Variants in PRKN observed in about 807,000 individuals in gnomAD.
The protein encoded by PRKN is E3 ubiquitin-protein ligase parkin.
A neutral mutation model predicts 59.5 loss-of-function variants in PRKN; 56 were observed. That is an observed-to-expected ratio of 0.94 (90% CI 0.76 to 1.18). The LOEUF (loss-of-function observed/expected upper bound fraction) is 1.18. Among genes scored for constraint, PRKN ranks in the 50% most tolerant of loss-of-function variants. The probability of loss-of-function intolerance (pLI) is 0.00; values close to 1 mark genes in which losing one functional copy is unlikely to be tolerated. For missense variants in PRKN, 657 were observed against 596.4 expected, an observed-to-expected ratio of 1.10 and a Z score of -1.06; for synonymous variants, 250 against 222.1, an observed-to-expected ratio of 1.13 and a Z score of -1.12.
intron 9 of PRKN, among the ~76,000 whole-genome samples, chr6:161,520,527 C>T (rs1778782263): frequency 6.6e-6 from 1 of 151,718 alleles, no homozygotes; most frequent in African/African-American, 2.4e-5. Context: ...TGTGCTCAGC[C>T]AATAGTTAAT....
intron 2 of PRKN, among the ~76,000 whole-genome samples, chr6:162,395,837 T>C (rs374389268): frequency 1.3e-5 from 2 of 152,186 alleles, no homozygotes; most frequent in East Asian, 3.9e-4. Flanking sequence ...TGAGCATACA[T>C]ATAGGACTAT....
At chr6:162,430,867 G>A (rs1407729949) in intron 2 of PRKN, among the ~76,000 whole-genome samples, 1 of 152,136 alleles carries the variant, frequency 6.6e-6, no homozygotes, top group Non-Finnish European at 1.5e-5. Flanking sequence ...TTATCGTCAA[G>A]TATCTGAGAA....
intron 9 of PRKN, among the ~76,000 whole-genome samples, chr6:161,523,621 C>A (rs940778792): frequency 1.3e-5 from 2 of 152,172 alleles, no homozygotes; most frequent in African/African-American, 4.8e-5. Context: ...ATAAGGCTAT[C>A]ATTATTATGT....
Position 161,429,457 on chromosome 6 carries a change from C to T in PRKN, c.1084-42580G>A, listed in dbSNP as rs775880533. ...GGTTAAGAGGGACGGAGAAATAACA[C>T]GAATGTGGTGAGGCAGGGTGGTATC... On this transcript the variant is annotated intron_variant, in intron 9 of 11. Coordinates refer to ENST00000366898, the MANE Select transcript of PRKN (RefSeq NM_004562.3). This position sits in a 1 kb window ranked among gnomAD's most constrained non-coding sequence, Gnocchi z 4.2. 3.9e-5 allele frequency among the ~76,000 whole-genome samples: 6 copies of T among 152,092 alleles called. No individual in the cohort carries two copies. The highest frequency in any genetic ancestry group is 4.4e-5 in the Non-Finnish European group (3 of 68,026).
At chr6:161,404,205 TC>T (rs1373777049) in intron 9 of PRKN, among the ~76,000 whole-genome samples, 1 of 152,154 alleles carries the variant, frequency 6.6e-6, no homozygotes, top group Admixed American at 6.5e-5. Flanking sequence ...AGACTCAAGT[TC>T]CCAGCTCTCT....
intron 7 of PRKN, among the ~76,000 whole-genome samples, chr6:161,701,271 T>G (rs1411562808): frequency 6.6e-6 from 1 of 152,212 alleles, no homozygotes; most frequent in Non-Finnish European, 1.5e-5. Flanking sequence ...CCTTTCAATT[T>G]TGAAACACAG....
intron 6 of PRKN, among the ~76,000 whole-genome samples, chr6:161,903,383 G>A (rs1778010212): frequency 6.6e-6 from 1 of 152,178 alleles, no homozygotes; most frequent in Non-Finnish European, 1.5e-5. Flanking sequence ...TTGGATGAAA[G>A]CTAGTTCTGA....
chr6:162,624,852 G>C (rs1245456339), intron 1 of PRKN, among the ~76,000 whole-genome samples: 1 of 152,152 alleles, frequency 6.6e-6, no homozygotes, highest in Non-Finnish European at 1.5e-5. Context: ...AACACAGCAG[G>C]GATGTGGTAA....
intron 7 of PRKN, among the ~76,000 whole-genome samples, chr6:161,674,677 G>T (rs1562599331): frequency 6.6e-6 from 1 of 152,144 alleles, no homozygotes; most frequent in Non-Finnish European, 1.5e-5. Flanking sequence ...TGACATTTAT[G>T]ATCAGAACTG....
In PRKN at chr6:161,560,917, G is replaced by C. The variant is rs1780432692; in HGVS notation, c.933+8438C>G. 6.6e-6 allele frequency among the ~76,000 whole-genome samples: 1 copy of C among 152,132 alleles called. No homozygotes were observed. The highest frequency in any genetic ancestry group is 6.5e-5 in the Admixed American group (1 of 15,268). ...TGCCTGGAAAACACAGATTTCCGTG[G>C]TCTTCTTTATCTGATGGCAAAATTC... On this transcript the variant is annotated intron_variant, in intron 8 of 11. Coordinates refer to ENST00000366898, the MANE Select transcript of PRKN (RefSeq NM_004562.3). This position sits in a 1 kb window ranked among gnomAD's most constrained non-coding sequence, Gnocchi z 4.9.
At chr6:162,061,251 C>T (rs1212371318) in intron 4 of PRKN, among the ~76,000 whole-genome samples, 1 of 152,148 alleles carries the variant, frequency 6.6e-6, no homozygotes, top group Non-Finnish European at 1.5e-5. Context: ...TGAAACAACA[C>T]AAATACAAAC....
chr6:161,629,905 C>T (rs1183889477), intron 7 of PRKN, among the ~76,000 whole-genome samples: 1 of 152,196 alleles, frequency 6.6e-6, no homozygotes, highest in Non-Finnish European at 1.5e-5. Context: ...AGGCACTCTG[C>T]TTCCACTCTG....
chr6:162,142,366 G>C (rs1781825415), intron 4 of PRKN, among the ~76,000 whole-genome samples: 1 of 152,116 alleles, frequency 6.6e-6, no homozygotes, highest in Non-Finnish European at 1.5e-5. Flanking sequence ...CCAGGTACTT[G>C]ATGTATGGCT....
intron 7 of PRKN, among the ~76,000 whole-genome samples, chr6:161,627,055 C>T (rs1281521877): frequency 6.6e-6 from 1 of 152,180 alleles, no homozygotes; most frequent in Non-Finnish European, 1.5e-5. Flanking sequence ...CCTGGCCTTC[C>T]AAGGTTTGCA....
chr6:161,692,764 A>G (rs1209780338), intron 7 of PRKN, among the ~76,000 whole-genome samples: 3 of 152,022 alleles, frequency 2.0e-5, no homozygotes, highest in African/African-American at 4.8e-5. Context: ...AAACAAACAA[A>G]CAAACGAACA....
At chr6:161,631,289 C>A (rs1356470248) in intron 7 of PRKN, among the ~76,000 whole-genome samples, 1 of 152,200 alleles carries the variant, frequency 6.6e-6, no homozygotes, top group East Asian at 1.9e-4. Flanking sequence ...AAATTCTTTA[C>A]CAAGCATTTA....
chr6:161,908,627 G>C (rs1317939191), intron 6 of PRKN, among the ~76,000 whole-genome samples: 1 of 151,278 alleles, frequency 6.6e-6, no homozygotes, highest in South Asian at 2.1e-4. Flanking sequence ...ATCCAGATTG[G>C]TATGTAATTA....
intron 5 of PRKN, among the ~76,000 whole-genome samples, chr6:161,975,989 T>TCCG (rs1781016955): frequency 6.6e-6 from 1 of 152,122 alleles, no homozygotes; most frequent in Non-Finnish European, 1.5e-5. Context: ...CACTGCAACC[T>TCCG]CCGCCTCCCA....
chr6:162,301,693 T>C (rs1583340361), intron 2 of PRKN, among the ~76,000 whole-genome samples: 1 of 148,854 alleles, frequency 6.7e-6, no homozygotes, highest in Middle Eastern at 3.5e-3. Context: ...ACTTACAGCC[T>C]AGTTTAACAT....
Sources: gnomAD v4.1 joint callset for allele counts (sites outside exome capture counted in the v4.1 genomes callset) on GRCh38, gnomAD v4.1.1 for gene constraint, Gnocchi (gnomAD v3.1) non-coding constraint, MANE v1.5 for transcripts, NCBI Gene and HGNC (gene_info 2026-07-23, HGNC 2026-07-21) for gene names.